The following CILK1 variants were observed in gnomAD, a reference collection of about 807,000 sequenced individuals.
CILK1 encodes ciliogenesis associated kinase 1, also known as serine/threonine-protein kinase ICK.
In CILK1, 47 loss-of-function variants were observed where a neutral mutation model predicts 79.2. That is an observed-to-expected ratio of 0.59 (90% CI 0.47 to 0.76). CILK1 has a LOEUF of 0.76. Ranked by LOEUF, CILK1 falls within the 30% of genes least tolerant of loss-of-function variation. The pLI, the probability that CILK1 is intolerant of heterozygous loss-of-function variation, is 0.00. For synonymous variants in CILK1, 266 were observed against 275.9 expected (o/e 0.96, Z 0.36); for missense variants, 660 against 769.5 (o/e 0.86, Z 1.68).
intron 8 of CILK1, among the ~76,000 whole-genome samples, chr6:53,014,865 T>C (rs950440027): frequency 6.6e-6 from 1 of 152,228 alleles, no homozygotes; most frequent in South Asian, 2.1e-4. Flanking sequence ...TCTTGCTTCC[T>C]TGTTACAGAA....
At position 53,016,230 on chromosome 6, in the gene CILK1, A is replaced by C; in HGVS notation, c.684T>G (p.Tyr228Ter). 1 of 1,614,086 alleles carries C rather than the reference A, an allele frequency of 6.2e-7. No homozygotes were observed. The highest frequency in any genetic ancestry group is 8.5e-7 in the Non-Finnish European group (1 of 1,179,930). ...GGAAGTTCATTGCACTTGAAAGTTGATAGCCTTCAGGCCAGTCAGTCTGAA... is the reference window on the plus strand; with the variant it reads ...GGAAGTTCATTGCACTTGAAAGTTGCTAGCCTTCAGGCCAGTCAGTCTGAA... ...TPKKTDWPEG[Y>*]QLSSAMNFRW... Residue 228 changes from tyrosine to a stop codon, truncating the protein, a stop_gained, in exon 8 of 14, where the codon TAT becomes TAG. Transcript: ENST00000676107. LOFTEE classifies it high-confidence loss of function.
intron 1 of CILK1, among the ~76,000 whole-genome samples, chr6:53,058,477 A>G (rs897998622): frequency 1.3e-4 from 20 of 152,316 alleles, no homozygotes; most frequent in Non-Finnish European, 2.5e-4. Flanking sequence ...CTGTATTTCA[A>G]AGGTAAGCAC....
At chr6:53,017,130 CA>C (rs1361042131) in intron 7 of CILK1, among the ~76,000 whole-genome samples, 2 of 152,100 alleles carry the variant, frequency 1.3e-5, no homozygotes, top group Non-Finnish European at 2.9e-5. Flanking sequence ...TACAGATATG[CA>C]GAGGAGAAAG....
intron 2 of CILK1, among the ~76,000 whole-genome samples, chr6:53,038,702 A>G (rs1766512601): frequency 6.6e-6 from 1 of 152,236 alleles, no homozygotes; most frequent in Admixed American, 6.5e-5. Context: ...TTGGAACACA[A>G]CCATACTCAT....
chr6:53,007,934 C>T (rs751142252), intron 12 of CILK1, among the ~76,000 whole-genome samples: 11 of 150,240 alleles, frequency 7.3e-5, no homozygotes, highest in South Asian at 2.1e-4. Context: ...AGCAAGACTG[C>T]GTCTTAAAAT....
intron 2 of CILK1, among the ~76,000 whole-genome samples, chr6:53,038,292 T>C (rs533085043): frequency 6.6e-6 from 1 of 152,368 alleles, no homozygotes; most frequent in South Asian, 2.1e-4. Flanking sequence ...AGGCTTATTC[T>C]ATTTAGACCA....
chr6:53,061,510 A>G (rs947711765), intron 1 of CILK1, 86 bp downstream of exon 1: 25 of 152,384 alleles, frequency 1.6e-4, no homozygotes, highest in African/African-American at 5.1e-4. Context: ...GGCCACGGCC[A>G]GGGGTCTCCC....
intron 11 of CILK1, among the ~76,000 whole-genome samples, chr6:53,010,693 C>G (rs1053366608): frequency 6.6e-6 from 1 of 152,194 alleles, no homozygotes; most frequent in Non-Finnish European, 1.5e-5. Context: ...GCCCTCAGCT[C>G]TCTGCACATT....
At chr6:53,047,252 G>T (rs1311060371) in intron 1 of CILK1, among the ~76,000 whole-genome samples, 1 of 152,012 alleles carries the variant, frequency 6.6e-6, no homozygotes, top group African/African-American at 2.4e-5. Flanking sequence ...AGAAAGTTAG[G>T]GTGGGCCCAA....
chr6:53,006,535 T>G, intron 12 of CILK1, 98 bp from the exon 13 acceptor site: 1 of 1,372,684 alleles, frequency 7.3e-7, no homozygotes, highest in East Asian at 2.4e-5. Context: ...ACAAACTAAG[T>G]TTTTACTTTT....
At chr6:53,055,528 T>C (rs1767796159) in intron 1 of CILK1, among the ~76,000 whole-genome samples, 1 of 152,208 alleles carries the variant, frequency 6.6e-6, no homozygotes, top group African/African-American at 2.4e-5. Flanking sequence ...AGGAGTGAAT[T>C]AAAGATGCAT....
chr6:53,010,775 C>T (rs1291821312), intron 11 of CILK1, among the ~76,000 whole-genome samples: 1 of 152,202 alleles, frequency 6.6e-6, no homozygotes, highest in African/African-American at 2.4e-5. Flanking sequence ...CATTCTTTTA[C>T]AATCTGTGAT....
intron 13 of CILK1, among the ~76,000 whole-genome samples, chr6:53,005,822 G>C (rs192720178): frequency 6.6e-6 from 1 of 152,112 alleles, no homozygotes; most frequent in African/African-American, 2.4e-5. Flanking sequence ...GTGCTTACAG[G>C]CATCGTATCA....
At chr6:53,014,709 T>G (rs912503786) in intron 8 of CILK1, among the ~76,000 whole-genome samples, 2 of 152,208 alleles carry the variant, frequency 1.3e-5, no homozygotes, top group Non-Finnish European at 2.9e-5. Flanking sequence ...AGGCAATTAA[T>G]GGGAATAGCC....
intron 1 of CILK1, among the ~76,000 whole-genome samples, chr6:53,051,029 C>T (rs1767446290): frequency 1.3e-5 from 2 of 152,012 alleles, no homozygotes; most frequent in Admixed American, 1.3e-4. Context: ...GGACTTCTCA[C>T]GCAGTTGGAG....
chr6:53,043,409 G>A (rs969507711), intron 1 of CILK1, among the ~76,000 whole-genome samples: 1 of 151,976 alleles, frequency 6.6e-6, no homozygotes, highest in Non-Finnish European at 1.5e-5. Context: ...AAAATCTTAA[G>A]ACATATAAAA....
intron 5 of CILK1, among the ~76,000 whole-genome samples, chr6:53,024,793 T>C (rs1765466472): frequency 1.3e-5 from 2 of 151,560 alleles, no homozygotes; most frequent in African/African-American, 4.8e-5. Flanking sequence ...GCTATTATAG[T>C]GTCCAGCTCT....
At chr6:53,055,421 CTCTT>C (rs1244649336) in intron 1 of CILK1, among the ~76,000 whole-genome samples, 8 of 152,178 alleles carry the variant, frequency 5.3e-5, no homozygotes, top group African/African-American at 1.9e-4. Context: ...AGCATTTTGC[CTCTT>C]GGACTACTGC....
In CILK1 at chr6:53,022,123, A is replaced by T. The variant is rs572397349; in HGVS notation, c.359-2764T>A. Among the ~76,000 whole-genome samples the T allele has an allele frequency of 5.3e-5, 8 of 152,354 alleles. No individual in the cohort carries two copies. In the South Asian group the frequency reaches 1.7e-3, roughly 32 times the overall value. ...AGCCATATGTGTTAAGCCAAATGTTATTATAAAAGAGTCAAAAAGTTAAAA... is the reference window on the plus strand; with the variant it reads ...AGCCATATGTGTTAAGCCAAATGTTTTTATAAAAGAGTCAAAAAGTTAAAA... On this transcript the variant is annotated intron_variant, in intron 5 of 13. Coordinates refer to ENST00000676107, the MANE Select transcript of CILK1 (RefSeq NM_014920.5).
Sources: gnomAD v4.1 joint callset for allele counts (sites outside exome capture counted in the v4.1 genomes callset) on GRCh38, gnomAD v4.1.1 for gene constraint, MANE v1.5 for transcripts, NCBI Gene and HGNC (gene_info 2026-07-23, HGNC 2026-07-21) for gene names.